Variants in STPG2 observed in about 807,000 individuals in gnomAD.
STPG2 encodes the protein sperm tail PG-rich repeat containing 2.
A neutral mutation model predicts 54.2 loss-of-function variants in STPG2; 56 were observed. The observed-to-expected ratio is 1.03, with a 90% CI of 0.83 to 1.29. The LOEUF (loss-of-function observed/expected upper bound fraction) is 1.29, where lower values mean the gene tolerates loss of function less well. Ranked by LOEUF, STPG2 falls within the 50% of genes most tolerant of loss-of-function variation. The probability of loss-of-function intolerance (pLI) is 0.00; values close to 1 mark genes in which losing one functional copy is unlikely to be tolerated. For synonymous variants in STPG2, 200 were observed against 181.8 expected (o/e 1.10, Z -0.81); for missense variants, 596 against 544.9 (o/e 1.09, Z -0.93).
intron 9 of STPG2, among the ~76,000 whole-genome samples, chr4:97,759,198 T>TA (rs1725818475): frequency 6.6e-6 from 1 of 152,124 alleles, no homozygotes; most frequent in African/African-American, 2.4e-5. Context: ...AGACTGGTGT[T>TA]AGAGTATGTA....
chr4:97,607,855 C>T (rs1259111882), intron 10 of STPG2, among the ~76,000 whole-genome samples: 1 of 151,952 alleles, frequency 6.6e-6, no homozygotes, highest in East Asian at 1.9e-4. Flanking sequence ...CTGCCTGGGT[C>T]ATGAAAATAG....
intron 5 of STPG2, among the ~76,000 whole-genome samples, chr4:98,083,098 C>A (rs1363885484): frequency 6.6e-6 from 1 of 152,118 alleles, no homozygotes; most frequent in Non-Finnish European, 1.5e-5. Flanking sequence ...GTCTACCTCC[C>A]AATATCATCC....
At chr4:97,550,919 G>A (rs1276520330) in intron 4 of STPG2, among the ~76,000 whole-genome samples, 1 of 151,852 alleles carries the variant, frequency 6.6e-6, no homozygotes, top group Non-Finnish European at 1.5e-5. Context: ...CACAGTTAGT[G>A]TTACAGCTCA....
intron 10 of STPG2, among the ~76,000 whole-genome samples, chr4:97,691,485 G>A (rs898254709): frequency 1.3e-5 from 2 of 151,922 alleles, no homozygotes; most frequent in Non-Finnish European, 1.5e-5. Flanking sequence ...TATTGTACTG[G>A]GAACCACAAC....
rs1739891008 is a variant in STPG2 at position 98,128,458 on chromosome 4, T to G, written c.357A>C (p.Thr119=). ...IKCFPPACDS[T]LGPAYYKPQF... is the part of the protein sequence containing the mutation. ...GAGGTTTGTAGTATGCTGGACCAAG[T>G]GTACTGTCACAAGCAGGTGGAAAAC... Residue 119 remains threonine (T), a synonymous_variant, in exon 3 of 11, where the codon ACA becomes ACC. Coordinates refer to ENST00000295268, the MANE Select transcript of STPG2 (RefSeq NM_174952.3). 6.2e-7 allele frequency: 1 copy of G among 1,612,072 alleles called. No homozygotes were observed. The highest frequency in any genetic ancestry group is 8.5e-7 in the Non-Finnish European group (1 of 1,179,346).
chr4:97,552,165 A>G (rs1731980525), intron 4 of STPG2, among the ~76,000 whole-genome samples: 1 of 152,130 alleles, frequency 6.6e-6, no homozygotes, highest in South Asian at 2.1e-4. Context: ...ATTTCATTCT[A>G]TTCGGTATAT....
At chr4:97,707,321 A>G (rs1167715631) in intron 10 of STPG2, among the ~76,000 whole-genome samples, 2 of 152,242 alleles carry the variant, frequency 1.3e-5, no homozygotes, top group Admixed American at 1.3e-4. Flanking sequence ...GAAGTCCAAG[A>G]CCAGCCTGGG....
At chr4:97,659,080 A>T (rs1360873932) in intron 10 of STPG2, among the ~76,000 whole-genome samples, 2 of 152,158 alleles carry the variant, frequency 1.3e-5, no homozygotes, top group African/African-American at 4.8e-5. Context: ...CCATATAAAG[A>T]AAAGCTCTTA....
intron 8 of STPG2, among the ~76,000 whole-genome samples, chr4:97,900,669 G>A (rs1329807934): frequency 6.6e-6 from 1 of 152,036 alleles, no homozygotes; most frequent in Non-Finnish European, 1.5e-5. Context: ...AACTAACACA[G>A]AAACAGAAAA....
intron 9 of STPG2, among the ~76,000 whole-genome samples, chr4:97,781,337 T>C (rs942732820): frequency 1.3e-5 from 2 of 152,042 alleles, no homozygotes; most frequent in African/African-American, 4.8e-5. Context: ...CTAGAAGAAA[T>C]GGCTAAATTC....
At chr4:97,873,893 A>T (rs1283102654) in intron 8 of STPG2, among the ~76,000 whole-genome samples, 1 of 151,480 alleles carries the variant, frequency 6.6e-6, no homozygotes, top group Non-Finnish European at 1.5e-5. Context: ...GCACCTTTTT[A>T]TTTTTTATTT....
At chr4:97,728,121 G>T (rs942079327) in intron 9 of STPG2, among the ~76,000 whole-genome samples, 1 of 151,890 alleles carries the variant, frequency 6.6e-6, no homozygotes, top group East Asian at 1.9e-4. Context: ...ATGAACCAAA[G>T]AATTCTGTTA....
chr4:98,104,892 C>T (rs1278797109), intron 5 of STPG2, among the ~76,000 whole-genome samples: 1 of 152,162 alleles, frequency 6.6e-6, no homozygotes, highest in African/African-American at 2.4e-5. Flanking sequence ...TACTCCCCAA[C>T]ACCCCAAGAT....
intron 9 of STPG2, among the ~76,000 whole-genome samples, chr4:97,745,361 T>C (rs569973609): frequency 7.3e-5 from 11 of 151,246 alleles, no homozygotes; most frequent in African/African-American, 2.2e-4. Context: ...TTTTATTCCA[T>C]TTTAAATCAA....
chr4:97,763,739 G>A (rs1725956573), intron 9 of STPG2, among the ~76,000 whole-genome samples: 1 of 152,100 alleles, frequency 6.6e-6, no homozygotes, highest in South Asian at 2.1e-4. Flanking sequence ...AGCCCTACCA[G>A]CAAGGGGAAT....
chr4:97,694,753 C>T (rs754440778), intron 10 of STPG2, among the ~76,000 whole-genome samples: 11 of 125,044 alleles, frequency 8.8e-5, no homozygotes, highest in Non-Finnish European at 1.4e-4. Context: ...GCAGAGCTTG[C>T]AGTGAGCCGA....
At chr4:97,776,901 G>A (rs1726395117) in intron 9 of STPG2, among the ~76,000 whole-genome samples, 2 of 152,240 alleles carry the variant, frequency 1.3e-5, no homozygotes, top group South Asian at 4.1e-4. Context: ...GCACTGCAGT[G>A]CATGCCAAAA....
intron 9 of STPG2, among the ~76,000 whole-genome samples, chr4:97,759,817 T>C (rs1725838341): frequency 1.3e-5 from 2 of 152,140 alleles, no homozygotes; most frequent in African/African-American, 4.8e-5. Context: ...GCCAGAGAGT[T>C]TTAGAGATGC....
intron 5 of STPG2, among the ~76,000 whole-genome samples, chr4:98,032,041 C>T (rs1275642484): frequency 2.0e-5 from 3 of 152,022 alleles, no homozygotes; most frequent in African/African-American, 4.8e-5. Context: ...GCAATAATGG[C>T]CATAATCAAA....
Sources: gnomAD v4.1 joint callset for allele counts (sites outside exome capture counted in the v4.1 genomes callset) on GRCh38, gnomAD v4.1.1 for gene constraint, MANE v1.5 for transcripts, NCBI Gene and HGNC (gene_info 2026-07-23, HGNC 2026-07-21) for gene names.